The following CARD8 variants were observed in gnomAD, a reference collection of about 807,000 sequenced individuals.
CARD8 encodes caspase recruitment domain family member 8.
In CARD8, 38 loss-of-function variants were observed where a neutral mutation model predicts 53.2. The ratio of observed to expected loss-of-function variants is 0.71; its 90% CI spans 0.55 to 0.94. The LOEUF is 0.94. Among genes scored for constraint, CARD8 ranks in the 40% least tolerant of loss-of-function variants. CARD8 has a pLI of 0.00. For synonymous variants in CARD8, 245 were observed against 244.9 expected (o/e 1.00, Z 0.00); for missense variants, 561 against 655.5 (o/e 0.86, Z 1.57).
In CARD8 at chr19:48,234,309, G is replaced by A. The variant is rs568961883; in HGVS notation, c.350+94C>T. 3.0e-4 allele frequency: 393 copies of A among 1,310,774 alleles called. 1 individual carries two copies. Among genetic ancestry groups the A allele is most frequent in the South Asian group, 5.5e-4 (38 of 69,046 alleles). The allele number at this position is 1,310,774 out of a possible 1,614,324, so 81.2% of individuals were successfully genotyped here. ...AGCTCATTCATTCTCCCCTGAGTTCGATGAAAAACACCCAAATTCCTCTAA... is the reference window on the plus strand; with the variant it reads ...AGCTCATTCATTCTCCCCTGAGTTCAATGAAAAACACCCAAATTCCTCTAA... On this transcript the variant is annotated intron_variant, in intron 6 of 13. Transcript: ENST00000651546.
chr19:48,235,700 A>G (rs2031045789), intron 5 of CARD8, among the ~76,000 whole-genome samples: 1 of 152,162 alleles, frequency 6.6e-6, no homozygotes. Context: ...TTACTGTTTG[A>G]TAGATATTCC....
rs141956846 is a variant in CARD8, at chr19:48,243,907, T to C, written c.-43-2844A>G. Among the ~76,000 whole-genome samples the C allele has an allele frequency of 3.9e-3, 588 of 152,392 alleles. 1 individual carries two copies. Among genetic ancestry groups the C allele is most frequent in the African/African-American group, 0.013 (539 of 41,594 alleles). On this transcript the variant is annotated intron_variant, in intron 3 of 13. Coordinates refer to ENST00000651546, the MANE Select transcript of CARD8 (RefSeq NM_001184900.3). ...AATCTTAAAGAAGGTGTACATTATCTTGGCTAACTTTCTATAGGATTAAGT... is the reference window on the plus strand; with the variant it reads ...AATCTTAAAGAAGGTGTACATTATCCTGGCTAACTTTCTATAGGATTAAGT...
At chr19:48,204,009 T>C (rs1021191482), downstream of CARD8, 5 of 369,674 alleles carry the variant, frequency 1.4e-5, no homozygotes, top group Non-Finnish European at 2.2e-5. Flanking sequence ...CATCTGAGCA[T>C]GTGCAGGCTG....
chr19:48,244,465 AG>A (rs2045771825), intron 3 of CARD8, among the ~76,000 whole-genome samples: 6 of 152,366 alleles, frequency 3.9e-5, no homozygotes, highest in Admixed American at 2.0e-4. Flanking sequence ...TAAAGAAGTC[AG>A]GAAGTGCCAG....
Position 48,226,819 on chromosome 19 carries a change from G to A in CARD8, c.1035+3619C>T, listed in dbSNP as rs377220470. ...TCAAAATTGATGAGATGCTGGATGT[G>A]GGAAAGAAAAGAAATCGAGGCCGAG... On this transcript the variant is annotated intron_variant, in intron 10 of 13. Coordinates refer to ENST00000651546, the MANE Select transcript of CARD8 (RefSeq NM_001184900.3). 5.3e-5 allele frequency among the ~76,000 whole-genome samples: 8 copies of A among 151,972 alleles called. No homozygotes were observed. In the East Asian group the frequency reaches 1.4e-3, roughly 26 times the overall value.
intron 10 of CARD8, among the ~76,000 whole-genome samples, chr19:48,225,178 A>G (rs2041506475): frequency 6.6e-6 from 1 of 152,108 alleles, no homozygotes; most frequent in Non-Finnish European, 1.5e-5. Flanking sequence ...GGGAAAGAAG[A>G]GGGTACAGTG....
intron 10 of CARD8, 146 bp downstream of exon 10, chr19:48,230,292 G>A (rs1052897061): frequency 6.0e-6 from 5 of 833,140 alleles, no homozygotes; most frequent in Non-Finnish European, 9.3e-6. Context: ...CAGCACCTTG[G>A]ATGAACCTCA....
chr19:48,220,018 A>G (rs2040173622), intron 11 of CARD8, among the ~76,000 whole-genome samples: 1 of 152,098 alleles, frequency 6.6e-6, no homozygotes, highest in Non-Finnish European at 1.5e-5. Context: ...CTTATCTCAC[A>G]TTTACTATGT....
At chr19:48,215,310 C>A in intron 13 of CARD8, 30 bp downstream of exon 13, 3 of 1,558,116 alleles carry the variant, frequency 1.9e-6, no homozygotes, top group Non-Finnish European at 2.7e-6. Context: ...TCATACATAC[C>A]CTTGGCTTTA....
rs537611075 is a variant in CARD8 at position 48,252,498 on chromosome 19, A to AC, written c.-251-2652_-251-2651insG. Among the ~76,000 whole-genome samples, 56 of 145,836 alleles carry AC rather than the reference A, an allele frequency of 3.8e-4. No individual in the cohort carries two copies. In the East Asian group the frequency reaches 9.2e-3, roughly 24 times the overall value. On this transcript the variant is annotated intron_variant, in intron 1 of 13. Coordinates refer to ENST00000651546, the MANE Select transcript of CARD8 (RefSeq NM_001184900.3). ...TGTAAGAATATATATAATATATATAATTTTTTTTTTTTGAGACAGAGTCTT... is the reference window on the plus strand; with the variant it reads ...TGTAAGAATATATATAATATATATAACTTTTTTTTTTTTGAGACAGAGTCTT...
At chr19:48,230,268 C>A (rs918437329) in intron 10 of CARD8, among the ~76,000 whole-genome samples, 170 bp downstream of exon 10, 28 of 152,188 alleles carry the variant, frequency 1.8e-4, no homozygotes, top group African/African-American at 6.8e-4. Context: ...TAGGGAAGCA[C>A]ATAGCTCCAG....
intron 3 of CARD8, chr19:48,242,722 T>C (rs974800608): frequency 6.6e-6 from 1 of 152,218 alleles, no homozygotes; most frequent in Non-Finnish European, 1.5e-5. Flanking sequence ...CTTGGGTACA[T>C]ACTTAGGAGT....
chr19:48,252,450 C>G (rs1336551990), intron 1 of CARD8, among the ~76,000 whole-genome samples: 1 of 150,642 alleles, frequency 6.6e-6, no homozygotes, highest in African/African-American at 2.4e-5. Flanking sequence ...AATACATATA[C>G]ACAAATATGT....
Position 48,209,234 on chromosome 19 carries a change from T to C in CARD8, c.*2476A>G, listed in dbSNP as rs1426458814. 1 of 151,936 alleles carries C rather than the reference T, an allele frequency of 6.6e-6. No homozygotes were observed. The highest frequency in any genetic ancestry group is 1.5e-5 in the Non-Finnish European group (1 of 68,036). The allele number at this position is 151,936 out of a possible 1,614,324, so 9.4% of individuals were successfully genotyped here. On this transcript the variant is annotated 3_prime_UTR_variant, in exon 14 of 14. Coordinates refer to ENST00000651546, the MANE Select transcript of CARD8 (RefSeq NM_001184900.3). The stretch of plus-strand genomic sequence containing the variant: ...ATCGCTTGAACCAGGAGGCAGAGGT[T>C]GCAGTGAGCTGAGATCGCACCACTG...
intron 4 of CARD8, among the ~76,000 whole-genome samples, chr19:48,238,807 A>G (rs970797221): frequency 1.3e-5 from 2 of 152,158 alleles, no homozygotes; most frequent in Non-Finnish European, 2.9e-5. Context: ...ATCCTCAGAG[A>G]TGTCTTAGAG....
chr19:48,230,686 C>CT lies in CARD8; in HGVS notation c.786_787insA (p.Val263SerfsTer10). On this transcript the variant is annotated frameshift_variant, in exon 10 of 14. Transcript: ENST00000651546. LOFTEE classifies it high-confidence loss of function. ...AAATGGGCAACGAGAAACCAGGAGA[C>CT]GTCCACCTCACCTGCTGCAGGAGAA... 1 of 1,613,900 alleles carries CT rather than the reference C, an allele frequency of 6.2e-7. No individual in the cohort carries two copies. The highest frequency in any genetic ancestry group is 8.5e-7 in the Non-Finnish European group (1 of 1,179,866).
intron 4 of CARD8, among the ~76,000 whole-genome samples, chr19:48,239,601 G>A (rs998937007): frequency 2.0e-5 from 3 of 150,960 alleles, no homozygotes; most frequent in Non-Finnish European, 2.9e-5. Flanking sequence ...TCAGCCTCCC[G>A]AGTAGCTGGG....
chr19:48,232,065 G>A (rs1278531843), intron 7 of CARD8: 1 of 582,392 alleles, frequency 1.7e-6, no homozygotes, highest in East Asian at 3.1e-5. Context: ...GCTTTGGTGG[G>A]AGGCACCATT....
intron 10 of CARD8, among the ~76,000 whole-genome samples, chr19:48,222,561 C>CAT (rs2040872638): frequency 1.3e-5 from 2 of 151,964 alleles, no homozygotes; most frequent in African/African-American, 4.8e-5. Flanking sequence ...TGGTGGCGGG[C>CAT]GCCTGTAATC....
Sources: gnomAD v4.1 joint callset for allele counts (sites outside exome capture counted in the v4.1 genomes callset) on GRCh38, gnomAD v4.1.1 for gene constraint, MANE v1.5 for transcripts, NCBI Gene and HGNC (gene_info 2026-07-23, HGNC 2026-07-21) for gene names.